Variants in NETO1 observed in about 807,000 individuals in gnomAD.
NETO1 encodes neuropilin and tolloid-like protein 1.
In NETO1, 26 loss-of-function variants were observed where a neutral mutation model predicts 61.3. The observed-to-expected ratio is 0.42, with a 90% confidence interval of 0.31 to 0.59. NETO1 has a LOEUF of 0.59. Ranked by LOEUF, NETO1 falls within the 20% of genes least tolerant of loss-of-function variation. NETO1 has a pLI of 0.12. For synonymous variants in NETO1, 225 were observed against 225.8 expected, an observed-to-expected ratio of 1.00 and a Z score of 0.03; for missense variants, 531 against 662.8, an observed-to-expected ratio of 0.80 and a Z score of 2.18.
intron 7 of NETO1, among the ~76,000 whole-genome samples, chr18:72,757,747 A>G (rs1868530091): frequency 6.6e-6 from 1 of 152,208 alleles, no homozygotes; most frequent in African/African-American, 2.4e-5. Flanking sequence ...CCTGCTCTTT[A>G]GTAAGCAACT....
chr18:72,792,561 C>T (rs1278340363), intron 6 of NETO1, among the ~76,000 whole-genome samples: 1 of 151,790 alleles, frequency 6.6e-6, no homozygotes, highest in Admixed American at 6.6e-5. Context: ...TAATTTCCAA[C>T]ACTGGAATTA....
rs764243455 is a variant in NETO1, at chr18:72,859,078, T to C, written c.221-4A>G. 6.3e-7 allele frequency: 1 copy of C among 1,586,226 alleles called. No individual in the cohort carries two copies. The highest frequency in any genetic ancestry group is 8.6e-7 in the Non-Finnish European group (1 of 1,167,762). On this transcript the variant is annotated splice_polypyrimidine_tract_variant and splice_region_variant and intron_variant, in intron 3 of 10. Transcript: ENST00000327305. ...TCAATGCACTGTCTTGGAGCGGCTG[T>C]AAAGAAGAAAGATTGTGTCTAGGAG...
chr18:72,756,564 A>G (rs1372799404), intron 7 of NETO1, among the ~76,000 whole-genome samples: 2 of 152,182 alleles, frequency 1.3e-5, no homozygotes, highest in Admixed American at 6.6e-5. Flanking sequence ...ACATATACTT[A>G]CCAAGTACTA....
chr18:72,768,479 T>C (rs911626315), intron 7 of NETO1, among the ~76,000 whole-genome samples: 4 of 152,164 alleles, frequency 2.6e-5, no homozygotes, highest in African/African-American at 7.2e-5. Context: ...AATTCTACTG[T>C]GGTCAAATAA....
chr18:72,852,146 C>G (rs1256043652), intron 4 of NETO1, among the ~76,000 whole-genome samples: 1 of 152,194 alleles, frequency 6.6e-6, no homozygotes, highest in Non-Finnish European at 1.5e-5. Flanking sequence ...CACTTAAGTA[C>G]TCTTCTTTTC....
intron 4 of NETO1, among the ~76,000 whole-genome samples, chr18:72,795,302 G>T (rs528873101): frequency 6.6e-6 from 1 of 152,202 alleles, no homozygotes; most frequent in South Asian, 2.1e-4. Context: ...CATTTTTCTG[G>T]CTCTCATTGC....
chr18:72,865,312 T>C (rs916010763), intron 1 of NETO1, 71 bp from the exon 2 acceptor site: 1 of 1,310,216 alleles, frequency 7.6e-7, no homozygotes, highest in African/African-American at 1.5e-5. Flanking sequence ...CATAACATAA[T>C]TTCAAGATAA....
In NETO1 at chr18:72,830,967, G is replaced by T. The variant is rs7238154; in HGVS notation, c.469+27859C>A. On this transcript the variant is annotated intron_variant, in intron 4 of 10. Transcript: ENST00000327305. The surrounding 1 kb of genome is among the most constrained non-coding windows in gnomAD (Gnocchi z 4.9). ...TGCCTTCTGACTGCAAAATCTTCTTGATGAGGTATACTATTACCTCATCAA... is the reference window on the plus strand; with the variant it reads ...TGCCTTCTGACTGCAAAATCTTCTTTATGAGGTATACTATTACCTCATCAA... Among the ~76,000 whole-genome samples, 1 of 151,860 alleles carries T rather than the reference G, an allele frequency of 6.6e-6. No homozygotes were observed. Among genetic ancestry groups the T allele is most frequent in the African/African-American group, 2.4e-5 (1 of 41,308 alleles).
intron 8 of NETO1, among the ~76,000 whole-genome samples, chr18:72,752,356 T>G (rs868465454): frequency 1.3e-5 from 2 of 152,098 alleles, no homozygotes; most frequent in African/African-American, 4.8e-5. Context: ...ACAGAGGTGA[T>G]AGCTAAATAG....
Position 72,867,532 on chromosome 18 carries a change from C to A in NETO1, c.-241G>T. The A allele has an allele frequency of 2.6e-6, 1 of 381,022 alleles. No individual in the cohort carries two copies. 23.6% of individuals were successfully genotyped at this position (381,022 alleles called of 1,614,324 possible). ...TCTCGCTCTCGCTGGCCCTCAGCGC[C>A]GCGCAGCCAGCAGCATCCCCACCGT... On this transcript the variant is annotated 5_prime_UTR_variant, in exon 1 of 11. Coordinates refer to ENST00000327305, the MANE Select transcript of NETO1 (RefSeq NM_138966.5).
chr18:72,843,300 G>A (rs143706857), intron 4 of NETO1, among the ~76,000 whole-genome samples: 72 of 152,236 alleles, frequency 4.7e-4, no homozygotes, highest in African/African-American at 1.6e-3. Context: ...ACAACAGATA[G>A]AGGAGTAAAG....
rs570839324 is a variant in NETO1, at chr18:72,830,507, T to C, written c.469+28319A>G. ...CAAACACAAATGACAAAAATAACAATGATCATAAGGTCTGAGGGTTGGCTT... is the reference window on the plus strand; with the variant it reads ...CAAACACAAATGACAAAAATAACAACGATCATAAGGTCTGAGGGTTGGCTT... On this transcript the variant is annotated intron_variant, in intron 4 of 10. Transcript: ENST00000327305. This position sits in a 1 kb window ranked among gnomAD's most constrained non-coding sequence, Gnocchi z 4.9. Among the ~76,000 whole-genome samples the C allele has an allele frequency of 6.6e-6, 1 of 152,004 alleles. No homozygotes were observed. The highest frequency in any genetic ancestry group is 2.4e-5 in the African/African-American group (1 of 41,400).
chr18:72,755,900 T>C, intron 8 of NETO1, 134 bp downstream of exon 8: 1 of 527,110 alleles, frequency 1.9e-6, no homozygotes, highest in East Asian at 3.0e-5. Flanking sequence ...TACAAATCAA[T>C]TATAAGACAT....
intron 6 of NETO1, 27 bp downstream of exon 6, chr18:72,794,090 A>T: frequency 1.2e-6 from 2 of 1,614,076 alleles, no homozygotes; most frequent in Non-Finnish European, 1.7e-6. Flanking sequence ...GTCAGCTGTC[A>T]AGTGTGGGTT....
intron 4 of NETO1, among the ~76,000 whole-genome samples, chr18:72,825,797 A>G (rs999079259): frequency 6.6e-6 from 1 of 152,156 alleles, no homozygotes; most frequent in Non-Finnish European, 1.5e-5. Context: ...TGCGATCTTT[A>G]AAAGTGAAAT....
chr18:72,867,593 A>G lies in NETO1; in HGVS notation c.-302T>C. 1 of 258,458 alleles carries G rather than the reference A, an allele frequency of 3.9e-6. No individual in the cohort carries two copies. The highest frequency in any genetic ancestry group is 7.3e-6 in the Non-Finnish European group (1 of 137,486). The allele number at this position is 258,458 out of a possible 1,614,324, so 16.0% of individuals were successfully genotyped here. A position where few individuals can be genotyped will look rare whatever the true frequency, so the allele number is the denominator to read the frequency against. On this transcript the variant is annotated 5_prime_UTR_variant, in exon 1 of 11. An upstream start codon of the reference 5' UTR is lost. Coordinates refer to ENST00000327305, the MANE Select transcript of NETO1 (RefSeq NM_138966.5). The stretch of plus-strand genomic sequence containing the variant: ...TCACACCCGGGCGCCGGCCGCCACC[A>G]TCCGCGCCGCCGCCGTCAGGACCCT...
chr18:72,859,142 T>C (rs2074493767), intron 3 of NETO1, 68 bp from the exon 4 acceptor site: 1 of 1,429,082 alleles, frequency 7.0e-7, no homozygotes, highest in African/African-American at 1.4e-5. Flanking sequence ...TTTCTGATTC[T>C]ATTTCAGATG....
intron 10 of NETO1, 141 bp downstream of exon 10, chr18:72,748,873 G>A (rs1005598891): frequency 2.8e-5 from 19 of 670,152 alleles, no homozygotes; most frequent in African/African-American, 7.3e-5. Context: ...TGAACCCATC[G>A]TATTTCTAAT....
At chr18:72,852,092 T>C (rs1340110256) in intron 4 of NETO1, among the ~76,000 whole-genome samples, 1 of 152,236 alleles carries the variant, frequency 6.6e-6, no homozygotes, top group Non-Finnish European at 1.5e-5. Flanking sequence ...ATGTACTCTA[T>C]TTAAAACATA....
Sources: allele counts gnomAD v4.1 joint callset (sites outside exome capture counted in the v4.1 genomes callset), GRCh38; gene constraint gnomAD v4.1.1; non-coding constraint Gnocchi (gnomAD v3.1); transcripts MANE v1.5; gene names NCBI Gene and HGNC (gene_info 2026-07-23, HGNC 2026-07-21).